IST1: variants seen among roughly 807,000 people sequenced by gnomAD.
IST1 encodes the protein IST1 homolog.
In IST1, 23 loss-of-function variants were observed where a neutral mutation model predicts 37.0. The observed-to-expected ratio is 0.62, with a 90% CI of 0.45 to 0.88. The LOEUF is 0.88. Ranked by LOEUF, IST1 falls within the 40% of genes least tolerant of loss-of-function variation. The pLI is 0.00. For missense variants in IST1, 488 were observed against 445.4 expected (o/e 1.10, Z -0.86); for synonymous variants, 180 against 161.7 (o/e 1.11, Z -0.86).
intron 8 of IST1, 110 bp from the exon 9 acceptor site, chr16:71,924,659 T>G: frequency 2.5e-6 from 2 of 806,644 alleles, no homozygotes; most frequent in Non-Finnish European, 4.4e-6. Context: ...TGGAACAGGC[T>G]CTGTTGCATT....
rs763699844 is a variant in IST1 at position 71,917,142 on chromosome 16, C to T, written c.357+8C>T. On this transcript the variant is annotated splice_region_variant and intron_variant, in intron 4 of 9. Coordinates refer to ENST00000378799, the MANE Select transcript of IST1 (RefSeq NM_001270975.2). ...GTGGCTGAGTTGAAAATAGTGAGTA[C>T]AAGTAGTTTCAGTGATGTCTGTAGC... 1.3e-6 allele frequency: 2 copies of T among 1,547,138 alleles called. No individual in the cohort carries two copies. Among genetic ancestry groups the T allele is most frequent in the Non-Finnish European group, 1.8e-6 (2 of 1,123,048 alleles).
chr16:71,898,190 C>T (rs969525167), intron 1 of IST1, among the ~76,000 whole-genome samples: 3 of 151,630 alleles, frequency 2.0e-5, no homozygotes, highest in Admixed American at 1.3e-4. Flanking sequence ...GCCTGGCCAA[C>T]ATGGTAAAAC....
intron 1 of IST1, among the ~76,000 whole-genome samples, chr16:71,904,825 T>G (rs2037184279): frequency 6.6e-6 from 1 of 152,228 alleles, no homozygotes. Flanking sequence ...TGGATCATTT[T>G]TTGGTTCATT....
intron 4 of IST1, among the ~76,000 whole-genome samples, chr16:71,919,954 C>T (rs2037543619): frequency 6.6e-6 from 1 of 152,172 alleles, no homozygotes; most frequent in African/African-American, 2.4e-5. Context: ...AGAAAGGGTG[C>T]TCCTTGCAGA....
rs2037612349 is a variant in IST1, at chr16:71,922,337, T to C, written c.553-137T>C. 4 of 732,914 alleles carry C rather than the reference T, an allele frequency of 5.5e-6. No individual in the cohort carries two copies. In the South Asian group the frequency reaches 6.9e-5, roughly 13 times the overall value. 45.4% of individuals were successfully genotyped at this position (732,914 alleles called of 1,614,324 possible). ...CTTCTCCTTCCACCTAACTCTGCCT[T>C]TTCTTCCCCCACAGGTGTTGATCCC... On this transcript the variant is annotated intron_variant, in intron 6 of 9. Coordinates refer to ENST00000378799, the MANE Select transcript of IST1 (RefSeq NM_001270975.2).
chr16:71,899,925 A>C (rs1439717559), intron 1 of IST1, among the ~76,000 whole-genome samples: 1 of 148,434 alleles, frequency 6.7e-6, no homozygotes, highest in East Asian at 2.0e-4. Flanking sequence ...CGGGAGGCTG[A>C]GGCAGAGGTA....
At chr16:71,907,441 C>A (rs1037867837) in intron 1 of IST1, among the ~76,000 whole-genome samples, 2 of 151,966 alleles carry the variant, frequency 1.3e-5, no homozygotes, top group Non-Finnish European at 2.9e-5. Context: ...CCACGCCCGG[C>A]TAATTTTTTG....
At chr16:71,904,197 C>T (rs72801782) in intron 1 of IST1, among the ~76,000 whole-genome samples, 14 of 152,240 alleles carry the variant, frequency 9.2e-5, no homozygotes, top group South Asian at 6.2e-4. Flanking sequence ...GATCTCCGCT[C>T]GCTGCAATCT....
At chr16:71,919,772 C>A (rs2037539608) in intron 4 of IST1, among the ~76,000 whole-genome samples, 1 of 152,186 alleles carries the variant, frequency 6.6e-6, no homozygotes, top group South Asian at 2.1e-4. Context: ...TTTGATTCTG[C>A]TGTTAGAAGC....
chr16:71,921,568 C>T (rs2142583545), intron 6 of IST1, 115 bp downstream of exon 6: 2 of 650,842 alleles, frequency 3.1e-6, no homozygotes, highest in East Asian at 2.7e-5. Context: ...AGCCTTTGTC[C>T]AGTTAGTACC....
chr16:71,917,554 C>G (rs1169036863), intron 4 of IST1, among the ~76,000 whole-genome samples: 3 of 152,114 alleles, frequency 2.0e-5, no homozygotes, highest in Admixed American at 2.0e-4. Context: ...AATATGGCAC[C>G]AGCCATACTC....
intron 8 of IST1, chr16:71,924,299 T>C: frequency 2.5e-6 from 1 of 407,650 alleles, no homozygotes; most frequent in African/African-American, 2.1e-5. Context: ...TTTTTTTTTC[T>C]CTGCTTGGCA....
At chr16:71,924,619 T>G in intron 8 of IST1, 150 bp from the exon 9 acceptor site, 1 of 670,364 alleles carries the variant, frequency 1.5e-6, no homozygotes, top group East Asian at 2.6e-5. Context: ...AGTATCTACC[T>G]GATTGGAAAA....
intron 6 of IST1, among the ~76,000 whole-genome samples, chr16:71,922,017 A>T (rs1451308028): frequency 1.3e-5 from 2 of 152,142 alleles, no homozygotes; most frequent in Non-Finnish European, 2.9e-5. Context: ...GGCACCTGTA[A>T]TCTCAGCTAC....
At chr16:71,909,931 T>C (rs1434136446) in intron 1 of IST1, among the ~76,000 whole-genome samples, 3 of 152,226 alleles carry the variant, frequency 2.0e-5, no homozygotes, top group African/African-American at 7.2e-5. Flanking sequence ...ATCATGGGTA[T>C]ATTGAGTAAT....
chr16:71,920,945 TGAG>T (rs1289998890), intron 5 of IST1, 123 bp downstream of exon 5: 7 of 763,216 alleles, frequency 9.2e-6, no homozygotes, highest in African/African-American at 1.7e-5. Context: ...CATAGTGGGG[TGAG>T]GAGGACAGCT....
At position 71,930,104 on chromosome 16, in the gene IST1, A is replaced by G; in HGVS notation, c.*2291A>G. On this transcript the variant is annotated 3_prime_UTR_variant, in exon 10 of 10. Transcript: ENST00000378799. ...GGCCATGAGAATGGCCGAAACGAAA[A>G]GATTAATTACCACAAGTACCATCAA... is the stretch of plus-strand genomic sequence containing the variant. The G allele has an allele frequency of 6.4e-7, 1 of 1,551,622 alleles. No individual in the cohort carries two copies. The highest frequency in any genetic ancestry group is 8.7e-7 in the Non-Finnish European group (1 of 1,146,912).
chr16:71,897,987 C>T (rs148297201), intron 1 of IST1, among the ~76,000 whole-genome samples: 4 of 152,198 alleles, frequency 2.6e-5, no homozygotes, highest in African/African-American at 7.2e-5. Flanking sequence ...TATTAGACAG[C>T]GTTTACTACA....
rs1459713352 is a variant in IST1, at chr16:71,930,423, G to C, written c.*2610G>C. 2.9e-6 allele frequency: 1 copy of C among 340,318 alleles called. No homozygotes were observed. Among genetic ancestry groups the C allele is most frequent in the Non-Finnish European group, 5.3e-6 (1 of 189,424 alleles). 21.1% of individuals were successfully genotyped at this position (340,318 alleles called of 1,614,324 possible). A position where few individuals can be genotyped will look rare whatever the true frequency, so the allele number is the denominator to read the frequency against. On this transcript the variant is annotated 3_prime_UTR_variant, in exon 10 of 10. Transcript: ENST00000378799. ...GCAGGGCTTTCACAAGAAAACAGGT[G>C]AGTTGCAGTGGAATTGGAAATGATT...
Sources: gnomAD v4.1 joint callset for allele counts (sites outside exome capture counted in the v4.1 genomes callset) on GRCh38, gnomAD v4.1.1 for gene constraint, MANE v1.5 for transcripts, NCBI Gene and HGNC (gene_info 2026-07-23, HGNC 2026-07-21) for gene names.